The following RNF43 variants were observed in gnomAD, a reference collection of about 807,000 sequenced individuals.
RNF43 encodes the protein ring finger protein 43.
Under a neutral mutation model 78.4 loss-of-function variants are expected in RNF43, and 37 were observed. The observed-to-expected ratio is 0.47, with a 90% CI of 0.36 to 0.62. RNF43 has a LOEUF of 0.62. Ranked by LOEUF, RNF43 falls within the 20% of genes least tolerant of loss-of-function variation. The probability of loss-of-function intolerance (pLI) is 0.00; values close to 1 mark genes in which losing one functional copy is unlikely to be tolerated. For missense variants in RNF43, 774 were observed against 1,007.9 expected (o/e 0.77, Z 3.14); for synonymous variants, 347 against 395.0 (o/e 0.88, Z 1.44).
chr17:58,389,641 G>A (rs1051203084), intron 2 of RNF43, among the ~76,000 whole-genome samples: 11 of 152,182 alleles, frequency 7.2e-5, no homozygotes, highest in Non-Finnish European at 1.5e-4. Context: ...TAGAAGAACA[G>A]GGGCTTCTTC....
intron 3 of RNF43, among the ~76,000 whole-genome samples, chr17:58,366,697 G>A (rs1972959156): frequency 6.6e-6 from 1 of 152,174 alleles, no homozygotes; most frequent in South Asian, 2.1e-4. Context: ...TGTAAACTGG[G>A]ATAATAACAG....
intron 8 of RNF43, 151 bp downstream of exon 8, chr17:58,359,998 G>T (rs914059669): frequency 4.3e-6 from 2 of 462,798 alleles, no homozygotes; most frequent in Non-Finnish European, 3.9e-6. Context: ...TTCCCCTCGA[G>T]TGAGGCACTC....
chr17:58,391,676 C>T (rs750087473), intron 2 of RNF43, among the ~76,000 whole-genome samples: 4 of 152,258 alleles, frequency 2.6e-5, no homozygotes, highest in Admixed American at 1.3e-4. Context: ...GCCAGGTGCC[C>T]GAAATTCTTA....
chr17:58,388,761 T>G (rs1467686168), intron 2 of RNF43, among the ~76,000 whole-genome samples: 1 of 152,054 alleles, frequency 6.6e-6, no homozygotes, highest in Non-Finnish European at 1.5e-5. Context: ...AGGAAAAAAA[T>G]AGCCACAGGA....
intron 9 of RNF43, among the ~76,000 whole-genome samples, chr17:58,356,711 G>A (rs183601337): frequency 1.1e-4 from 17 of 151,778 alleles, no homozygotes; most frequent in African/African-American, 3.9e-4. Context: ...ATATAGCCTC[G>A]TATTATGGTT....
chr17:58,409,563 C>T (rs1049536738), intron 2 of RNF43, among the ~76,000 whole-genome samples: 5 of 152,136 alleles, frequency 3.3e-5, no homozygotes, highest in Admixed American at 6.5e-5. Context: ...GTTTCTTAGA[C>T]GGTCTCACTA....
At chr17:58,372,350 A>T (rs1414649081) in intron 2 of RNF43, among the ~76,000 whole-genome samples, 2 of 152,166 alleles carry the variant, frequency 1.3e-5, no homozygotes, top group Non-Finnish European at 2.9e-5. Context: ...AAGGAGTTCC[A>T]TTCTTGCTCC....
intron 2 of RNF43, among the ~76,000 whole-genome samples, chr17:58,404,364 C>T: frequency 6.6e-6 from 1 of 152,168 alleles, no homozygotes; most frequent in Non-Finnish European, 1.5e-5. Context: ...ATTTAGTTCT[C>T]CCCCAACTCT....
In RNF43 at chr17:58,415,260, G is replaced by T. The variant is rs1196253376; in HGVS notation, c.252+66C>A. ...AAGCCCGTGTATGGTATTTCATTTG[G>T]GAGACAAAAGAAGAAAGACATATTT... On this transcript the variant is annotated intron_variant, in intron 2 of 9. Coordinates refer to ENST00000407977, the MANE Select transcript of RNF43 (RefSeq NM_017763.6). The T allele has an allele frequency of 1.9e-6, 3 of 1,542,696 alleles. No homozygotes were observed. In the African/African-American group the frequency reaches 4.1e-5, roughly 21 times the overall value.
In RNF43 at chr17:58,357,464, T is replaced by A. The variant is rs2143382959; in HGVS notation, c.2308+4A>T. ...ACCACACCCACTTCCCTCTGAAAACTCACCAGGCTGGGCCGACAGCACCTG... is the reference window on the plus strand; with the variant it reads ...ACCACACCCACTTCCCTCTGAAAACACACCAGGCTGGGCCGACAGCACCTG... On this transcript the variant is annotated splice_donor_region_variant and intron_variant, in intron 9 of 9. Transcript: ENST00000407977. The surrounding 1 kb of genome is among the most constrained non-coding windows in gnomAD (Gnocchi z 4.5). The A allele has an allele frequency of 6.2e-7, 1 of 1,614,228 alleles. No homozygotes were observed.
intron 2 of RNF43, among the ~76,000 whole-genome samples, chr17:58,413,157 T>G (rs1020514166): frequency 6.6e-6 from 1 of 152,176 alleles, no homozygotes; most frequent in Admixed American, 6.5e-5. Flanking sequence ...CAGTGTAATC[T>G]GATAAGGAAC....
At chr17:58,390,774 C>A (rs896933764) in intron 2 of RNF43, among the ~76,000 whole-genome samples, 2 of 152,020 alleles carry the variant, frequency 1.3e-5, no homozygotes, top group Non-Finnish European at 2.9e-5. Flanking sequence ...GCGAAAGTAG[C>A]AATTTAATGA....
At chr17:58,367,388 C>T (rs1178650646) in intron 3 of RNF43, among the ~76,000 whole-genome samples, 1 of 152,116 alleles carries the variant, frequency 6.6e-6, no homozygotes, top group Non-Finnish European at 1.5e-5. Flanking sequence ...AGTCATCAGC[C>T]CCACTTTTGA....
At position 58,360,986 on chromosome 17, in the gene RNF43, C is replaced by G; in HGVS notation, c.688-42G>C. ...GGCTCAGATTGGGGCATGGGCTCCC[C>G]TTCCCTCCCTCTCTGGACCCAAGCT... is the stretch of plus-strand genomic sequence containing the variant. On this transcript the variant is annotated intron_variant, in intron 6 of 9. Transcript: ENST00000407977. This position sits in a 1 kb window ranked among gnomAD's most constrained non-coding sequence, Gnocchi z 4.3. 6.7e-7 allele frequency: 1 copy of G among 1,496,928 alleles called. No individual in the cohort carries two copies. Among genetic ancestry groups the G allele is most frequent in the Non-Finnish European group, 8.9e-7 (1 of 1,119,908 alleles). 92.7% of individuals were successfully genotyped at this position (1,496,928 alleles called of 1,614,324 possible). A position where few individuals can be genotyped will look rare whatever the true frequency, so the allele number is the denominator to read the frequency against.
rs1159158251 is a variant in RNF43 at position 58,367,258 on chromosome 17, G to C, written c.375+3653C>G. 2.0e-5 allele frequency among the ~76,000 whole-genome samples: 3 copies of C among 152,048 alleles called. No individual in the cohort carries two copies. The East Asian group carries it at 5.8e-4, about 29-fold the overall frequency. On this transcript the variant is annotated intron_variant, in intron 3 of 9. Coordinates refer to ENST00000407977, the MANE Select transcript of RNF43 (RefSeq NM_017763.6). ...TCGTGATCCACCTGCCTCAGCCTCT[G>C]AAAGTGCTGGGATTACCACACCTGG...
chr17:58,358,643 G>C lies in RNF43; in HGVS notation c.1133C>G (p.Ser378Cys), dbSNP rs748840036. The C allele has an allele frequency of 2.6e-6, 4 of 1,533,902 alleles. No individual in the cohort carries two copies. In the African/African-American group the frequency reaches 5.5e-5, roughly 21 times the overall value. Residue 378 changes from serine to cysteine, a missense_variant, in exon 9 of 10, where the codon TCC becomes TGC. Coordinates refer to ENST00000407977, the MANE Select transcript of RNF43 (RefSeq NM_017763.6). The surrounding 1 kb of genome is among the most constrained non-coding windows in gnomAD (Gnocchi z 6.2). ...CCGAGGGCCCATGCCTGGCTCCTGG[G>C]ATGGCAGGAAGGGACCAGGTCGTGG... ...RPPRPGPFLPSQEPGMGPRHH... is the reference protein window; with the variant it reads ...RPPRPGPFLPCQEPGMGPRHH...
rs141944539 is a variant in RNF43 at position 58,357,375 on chromosome 17, C to T, written c.2308+93G>A. On this transcript the variant is annotated intron_variant, in intron 9 of 9. Coordinates refer to ENST00000407977, the MANE Select transcript of RNF43 (RefSeq NM_017763.6). The surrounding 1 kb of genome is among the most constrained non-coding windows in gnomAD (Gnocchi z 4.5). ...ATCTCTGCTGTATCCTTCTCAGCTT[C>T]CATCAACCCTTTGTTGGCTGACTTC... 1 of 1,493,882 alleles carries T rather than the reference C, an allele frequency of 6.7e-7. No homozygotes were observed. The highest frequency in any genetic ancestry group is 1.1e-5 in the South Asian group (1 of 88,646). 92.5% of individuals were successfully genotyped at this position (1,493,882 alleles called of 1,614,324 possible).
intron 5 of RNF43, among the ~76,000 whole-genome samples, chr17:58,362,911 T>G (rs1407150041): frequency 6.6e-6 from 1 of 152,140 alleles, no homozygotes; most frequent in Admixed American, 6.5e-5. Flanking sequence ...AAGGGACCCC[T>G]CTGCAAGGTG....
chr17:58,417,078 C>G lies in RNF43; in HGVS notation c.-447G>C, dbSNP rs942881840. On this transcript the variant is annotated 5_prime_UTR_variant, in exon 1 of 10. Transcript: ENST00000407977. ...TGAAACAAATTCAATTATGCTTTTA[C>G]AGATCCTGCTCAAAAAAGGTTTCAA... The G allele has an allele frequency of 6.6e-6, 1 of 152,216 alleles. No individual in the cohort carries two copies. The highest frequency in any genetic ancestry group is 2.4e-5 in the African/African-American group (1 of 41,454). The allele number at this position is 152,216 out of a possible 1,614,324, so 9.4% of individuals were successfully genotyped here. A position where few individuals can be genotyped will look rare whatever the true frequency, so the allele number is the denominator to read the frequency against.
Sources: allele counts gnomAD v4.1 joint callset (sites outside exome capture counted in the v4.1 genomes callset), GRCh38; gene constraint gnomAD v4.1.1; non-coding constraint Gnocchi (gnomAD v3.1); transcripts MANE v1.5; gene names NCBI Gene and HGNC (gene_info 2026-07-23, HGNC 2026-07-21).